Variants in CDH18 observed in about 807,000 individuals in gnomAD.
CDH18 encodes the protein cadherin-18.
CDH18 carries 31 observed loss-of-function variants against 67.9 expected under a neutral mutation model. The observed-to-expected ratio is 0.46, with a 90% confidence interval of 0.34 to 0.62. The LOEUF is 0.62. Ranked by LOEUF, CDH18 falls within the 20% of genes least tolerant of loss-of-function variation. CDH18 has a pLI of 0.01. For missense variants in CDH18, 890 were observed against 975.5 expected, an observed-to-expected ratio of 0.91 and a Z score of 1.17; for synonymous variants, 362 against 347.2, an observed-to-expected ratio of 1.04 and a Z score of -0.48.
intron 1 of CDH18, among the ~76,000 whole-genome samples, chr5:20,379,495 T>C (rs1029840965): frequency 2.6e-5 from 4 of 152,114 alleles, no homozygotes; most frequent in Admixed American, 2.6e-4. Context: ...TTATTTCAGG[T>C]ACCTCTATAC....
chr5:19,982,244 C>T (rs1799127136), intron 1 of CDH18, among the ~76,000 whole-genome samples: 1 of 151,954 alleles, frequency 6.6e-6, no homozygotes, highest in East Asian at 1.9e-4. Context: ...GTGGGTTCTC[C>T]ATAACAAGAA....
chr5:20,328,720 C>T (rs1738865118), intron 1 of CDH18, among the ~76,000 whole-genome samples: 1 of 152,146 alleles, frequency 6.6e-6, no homozygotes, highest in Non-Finnish European at 1.5e-5. Flanking sequence ...CCGGGTCAGG[C>T]ATGGTGGCTC....
At chr5:19,684,246 C>G (rs902769610) in intron 5 of CDH18, among the ~76,000 whole-genome samples, 1 of 151,862 alleles carries the variant, frequency 6.6e-6, no homozygotes, top group African/African-American at 2.4e-5. Context: ...ACACAAATAT[C>G]TATTAATCAT....
At chr5:19,863,118 G>T (rs1280639680) in intron 2 of CDH18, among the ~76,000 whole-genome samples, 1 of 152,036 alleles carries the variant, frequency 6.6e-6, no homozygotes, top group African/African-American at 2.4e-5. Context: ...GGTTGTCCCT[G>T]GTTGTCTTAT....
chr5:20,109,921 T>A (rs967730790), intron 2 of CDH18, among the ~76,000 whole-genome samples: 1 of 152,186 alleles, frequency 6.6e-6, no homozygotes, highest in Admixed American at 6.5e-5. Flanking sequence ...TAAATACTTG[T>A]GTTAGAATGT....
At chr5:19,898,322 T>G (rs1789564973) in intron 2 of CDH18, among the ~76,000 whole-genome samples, 1 of 149,432 alleles carries the variant, frequency 6.7e-6, no homozygotes, top group Non-Finnish European at 1.5e-5. Context: ...TTTCCTATTT[T>G]ACATGTAGTC....
At chr5:20,528,723 C>A (rs1334707917) in intron 1 of CDH18, among the ~76,000 whole-genome samples, 1 of 151,984 alleles carries the variant, frequency 6.6e-6, no homozygotes, top group African/African-American at 2.4e-5. Context: ...ATACCAGAAT[C>A]TCAGGGACAC....
At chr5:19,489,685 T>TA (rs968859946) in intron 11 of CDH18, among the ~76,000 whole-genome samples, 3 of 152,124 alleles carry the variant, frequency 2.0e-5, no homozygotes, top group Admixed American at 6.6e-5. Context: ...CCAAGATTTT[T>TA]AAAAAAAAGT....
At chr5:20,530,885 ATG>A (rs1294434105) in intron 1 of CDH18, among the ~76,000 whole-genome samples, 1 of 152,092 alleles carries the variant, frequency 6.6e-6, no homozygotes, top group East Asian at 1.9e-4. Flanking sequence ...AAATTGACCA[ATG>A]TGATCTAATT....
chr5:19,595,181 A>G (rs1745969253), intron 6 of CDH18, among the ~76,000 whole-genome samples: 1 of 152,186 alleles, frequency 6.6e-6, no homozygotes, highest in Admixed American at 6.5e-5. Context: ...AATCCCATTT[A>G]TAATAGCATT....
intron 3 of CDH18, among the ~76,000 whole-genome samples, chr5:19,813,250 T>C (rs915166251): frequency 6.6e-6 from 1 of 152,020 alleles, no homozygotes; most frequent in East Asian, 1.9e-4. Flanking sequence ...GTAACAAACC[T>C]GCATGTTCTG....
At chr5:20,224,180 A>G (rs1026196471) in intron 2 of CDH18, among the ~76,000 whole-genome samples, 10 of 152,144 alleles carry the variant, frequency 6.6e-5, no homozygotes, top group Non-Finnish European at 1.3e-4. Flanking sequence ...TTTTGAACGT[A>G]TAAAATTACT....
At chr5:20,389,316 T>C (rs1214566359) in intron 1 of CDH18, among the ~76,000 whole-genome samples, 19 of 152,206 alleles carry the variant, frequency 1.2e-4, no homozygotes, top group Admixed American at 1.2e-3. Context: ...ATGGCCTTCT[T>C]TGTCTCTTTT....
intron 3 of CDH18, among the ~76,000 whole-genome samples, chr5:19,789,731 C>T (rs563823081): frequency 6.6e-6 from 1 of 152,180 alleles, no homozygotes; most frequent in East Asian, 1.9e-4. Context: ...ACTCTTTGAA[C>T]TGCTGAAGTT....
intron 1 of CDH18, among the ~76,000 whole-genome samples, chr5:20,486,915 C>T (rs1041619615): frequency 3.3e-5 from 5 of 152,088 alleles, no homozygotes; most frequent in Admixed American, 6.6e-5. Context: ...TGGGATGTCT[C>T]AACATGAAAA....
At chr5:19,594,968 G>A (rs946677608) in intron 6 of CDH18, among the ~76,000 whole-genome samples, 8 of 151,522 alleles carry the variant, frequency 5.3e-5, no homozygotes, top group Non-Finnish European at 8.8e-5. Context: ...AAATAAAAGG[G>A]AACTAAATCA....
intron 1 of CDH18, among the ~76,000 whole-genome samples, chr5:20,444,100 T>C (rs1749827805): frequency 6.6e-6 from 1 of 151,946 alleles, no homozygotes; most frequent in Non-Finnish European, 1.5e-5. Context: ...TGTCCCTTTA[T>C]TGCTAGGACT....
intron 1 of CDH18, among the ~76,000 whole-genome samples, chr5:20,513,472 C>T (rs1323685911): frequency 6.6e-6 from 1 of 151,962 alleles, no homozygotes; most frequent in Non-Finnish European, 1.5e-5. Context: ...AAGTTTGGTC[C>T]AATGACCAAA....
intron 5 of CDH18, among the ~76,000 whole-genome samples, chr5:19,707,982 G>C (rs560002413): frequency 6.8e-4 from 104 of 152,310 alleles, no homozygotes; most frequent in Non-Finnish European, 1.2e-3. Flanking sequence ...GGTAGAAATG[G>C]TTAAGAAGTG....
Sources: allele counts gnomAD v4.1 joint callset (sites outside exome capture counted in the v4.1 genomes callset), GRCh38; gene constraint gnomAD v4.1.1; transcripts MANE v1.5; gene names NCBI Gene and HGNC (gene_info 2026-07-23, HGNC 2026-07-21).